PGCKA1: variants seen among roughly 807,000 people sequenced by gnomAD.
PGCKA1 encodes the protein PDCD10 and GCKIII kinases-associated protein 1.
the PGCKA1 span, among the ~76,000 whole-genome samples, chr4:37,457,513 G>A: frequency 1.3e-5 from 2 of 152,154 alleles, no homozygotes; most frequent in Non-Finnish European, 2.9e-5. Context: ...TTATTCACTT[G>A]ATCACTAGTT....
the PGCKA1 span, among the ~76,000 whole-genome samples, chr4:37,559,741 C>T: frequency 1.3e-5 from 2 of 152,106 alleles, no homozygotes; most frequent in Non-Finnish European, 2.9e-5. Flanking sequence ...TACAGACCTT[C>T]CTTCTCTTTA....
chr4:37,492,954 A>G, the PGCKA1 span, among the ~76,000 whole-genome samples: 22 of 152,116 alleles, frequency 1.4e-4, no homozygotes, highest in Admixed American at 5.9e-4. The surrounding 1 kb of genome is among the most constrained non-coding windows in gnomAD (Gnocchi z 4.7). Flanking sequence ...GTGACCACTC[A>G]TCTGCCTACT....
chr4:37,529,187 C>T, the PGCKA1 span, among the ~76,000 whole-genome samples: 2 of 152,164 alleles, frequency 1.3e-5, no homozygotes, highest in African/African-American at 4.8e-5. Flanking sequence ...TACCTAAAGT[C>T]CTTATGCCTT....
the PGCKA1 span, chr4:37,454,027 C>CCGT: frequency 6.3e-6 from 1 of 159,928 alleles, no homozygotes; most frequent in Non-Finnish European, 1.3e-5. Context: ...GCCGCCGCCG[C>CCGT]CGTCTGGCCC....
At chr4:37,573,884 T>C in the PGCKA1 span, among the ~76,000 whole-genome samples, 1 of 152,164 alleles carries the variant, frequency 6.6e-6, no homozygotes, top group African/African-American at 2.4e-5. Context: ...TGACATCAAG[T>C]ATACATTTTA....
the PGCKA1 span, among the ~76,000 whole-genome samples, chr4:37,544,837 T>TG: frequency 2.0e-5 from 3 of 152,002 alleles, no homozygotes; most frequent in African/African-American, 7.2e-5. Flanking sequence ...TGGTTCTTTT[T>TG]TGTTTTTTTT....
chr4:37,587,612 T>A, the PGCKA1 span, among the ~76,000 whole-genome samples: 1 of 152,196 alleles, frequency 6.6e-6, no homozygotes, highest in Non-Finnish European at 1.5e-5. Context: ...TGTCTCTTTC[T>A]GGTGCATGTG....
At chr4:37,564,274 CAAAA>C in the PGCKA1 span, among the ~76,000 whole-genome samples, 2 of 44,792 alleles carry the variant, frequency 4.5e-5, no homozygotes, top group Admixed American at 2.6e-4. Flanking sequence ...GACTCTGTCT[CAAAA>C]AAAAAAAAAA....
chr4:37,466,690 G>T, the PGCKA1 span, among the ~76,000 whole-genome samples: 3 of 53,372 alleles, frequency 5.6e-5, no homozygotes, highest in Admixed American at 5.4e-4. Context: ...CCTGGTAATG[G>T]GATAGGAAAT....
chr4:37,567,062 A>C, the PGCKA1 span, among the ~76,000 whole-genome samples: 30,609 of 150,778 alleles, frequency 0.2, 3,365 homozygotes, highest in Non-Finnish European at 0.27. Flanking sequence ...TCCAGCGGAC[A>C]AAAAAAAATA....
chr4:37,467,258 G>A, the PGCKA1 span, among the ~76,000 whole-genome samples: 1 of 152,286 alleles, frequency 6.6e-6, no homozygotes, highest in Admixed American at 6.5e-5. Context: ...TAATAAAATA[G>A]GAATGATTAT....
At chr4:37,481,464 CAAAAAAAAAAAA>C in the PGCKA1 span, among the ~76,000 whole-genome samples, 11,248 of 58,880 alleles carry the variant, frequency 0.19, 653 homozygotes, top group East Asian at 0.32. Flanking sequence ...GACCTGTCTC[CAAAAAAAAAAAA>C]AAAAAAAAAA....
the PGCKA1 span, among the ~76,000 whole-genome samples, chr4:37,499,918 CT>C: frequency 0.14 from 10,934 of 77,924 alleles, 204 homozygotes; most frequent in Middle Eastern, 0.19. Flanking sequence ...GTCTTCCTAA[CT>C]TTTTTTTTTT....
chr4:37,490,964 A>G, the PGCKA1 span, among the ~76,000 whole-genome samples: 5 of 152,236 alleles, frequency 3.3e-5, no homozygotes, highest in African/African-American at 1.2e-4. Context: ...CCAAAATCAC[A>G]TAGATTCTAT....
chr4:37,526,989 G>A, the PGCKA1 span, among the ~76,000 whole-genome samples: 2 of 152,168 alleles, frequency 1.3e-5, no homozygotes, highest in African/African-American at 4.8e-5. Flanking sequence ...CCTTCCAATA[G>A]GACAAGATGT....
chr4:37,551,277 A>G, the PGCKA1 span, among the ~76,000 whole-genome samples: 16 of 137,788 alleles, frequency 1.2e-4, no homozygotes, highest in Admixed American at 9.8e-4. Flanking sequence ...TTCCCTGTCT[A>G]TGCTTCCCAC....
chr4:37,544,046 AG>A, the PGCKA1 span, among the ~76,000 whole-genome samples: 3 of 152,240 alleles, frequency 2.0e-5, no homozygotes, highest in South Asian at 2.1e-4. Flanking sequence ...TACATCTTCT[AG>A]TAACTTCTGA....
At chr4:37,491,837 T>G in the PGCKA1 span, among the ~76,000 whole-genome samples, 1 of 152,140 alleles carries the variant, frequency 6.6e-6, no homozygotes, top group African/African-American at 2.4e-5. Context: ...ATCTGTCCTC[T>G]TATCCATTTA....
chr4:37,505,794 A>G, the PGCKA1 span, among the ~76,000 whole-genome samples: 2 of 152,248 alleles, frequency 1.3e-5, no homozygotes, highest in Non-Finnish European at 2.9e-5. Context: ...GGGTGGGAAC[A>G]CAGCCAAACC....
Sources: allele counts gnomAD v4.1 joint callset (sites outside exome capture counted in the v4.1 genomes callset), GRCh38; gene constraint gnomAD v4.1.1; non-coding constraint Gnocchi (gnomAD v3.1); transcripts MANE v1.5; gene names NCBI Gene and HGNC (gene_info 2026-07-23, HGNC 2026-07-21).